PARP9: variants seen among roughly 807,000 people sequenced by gnomAD.
PARP9 encodes the protein protein mono-ADP-ribosyltransferase PARP9.
Under a neutral mutation model 68.8 loss-of-function variants are expected in PARP9, and 48 were observed. The ratio of observed to expected loss-of-function variants is 0.70; its 90% CI spans 0.55 to 0.89. The LOEUF is 0.89. Ranked by LOEUF, PARP9 falls within the 40% of genes least tolerant of loss-of-function variation. PARP9 has a pLI of 0.00. For missense variants in PARP9, 806 were observed against 969.3 expected, an observed-to-expected ratio of 0.83 and a Z score of 2.24; for synonymous variants, 309 against 333.8, an observed-to-expected ratio of 0.93 and a Z score of 0.81.
chr3:122,542,968 AC>A (rs1291227172), intron 7 of PARP9, among the ~76,000 whole-genome samples: 1 of 150,064 alleles, frequency 6.7e-6, no homozygotes, highest in East Asian at 2.0e-4. Context: ...GTGCAGTGGC[AC>A]AATCTCAGCT....
At chr3:122,542,120 TA>T (rs1359451859) in intron 7 of PARP9, among the ~76,000 whole-genome samples, 1 of 152,074 alleles carries the variant, frequency 6.6e-6, no homozygotes, top group Non-Finnish European at 1.5e-5. Flanking sequence ...TAGGAGAAAA[TA>T]AAAACAATGC....
At chr3:122,534,527 C>G in intron 10 of PARP9, 1 of 754,190 alleles carries the variant, frequency 1.3e-6, no homozygotes, top group Non-Finnish European at 1.6e-6. Flanking sequence ...TTTCCCGCTC[C>G]TTTTTATATC....
At chr3:122,539,563 C>G (rs1250897185) in intron 8 of PARP9, among the ~76,000 whole-genome samples, 1 of 80,544 alleles carries the variant, frequency 1.2e-5, no homozygotes, top group Non-Finnish European at 2.5e-5. Flanking sequence ...TTCTTTCTTT[C>G]TTTCTTTTTT....
Position 122,528,470 on chromosome 3 carries a change from G to A in PARP9, c.2354C>T (p.Thr785Ile), listed in dbSNP as rs1195067670. ...GMQAIPQYLW[T>I]CTQEYVQSQD... is the part of the protein sequence containing the mutation. ...TGACTGTACATATTCCTGGGTGCAT[G>A]TCCACAAATACTGAGGTATAGCCTG... is the stretch of plus-strand genomic sequence containing the variant. Residue 785 changes from threonine to isoleucine, a missense_variant, in exon 11 of 11, where the codon ACA becomes ATA. Transcript: ENST00000682323. 2.5e-6 allele frequency: 4 copies of A among 1,614,180 alleles called. No individual in the cohort carries two copies. The highest frequency in any genetic ancestry group is 3.3e-5 in the Admixed American group (2 of 60,018).
chr3:122,553,633 C>T (rs753410841), intron 4 of PARP9, among the ~76,000 whole-genome samples: 1 of 152,002 alleles, frequency 6.6e-6, no homozygotes, highest in African/African-American at 2.4e-5. Context: ...TCATGAACTC[C>T]CCTCAGTCTT....
intron 7 of PARP9, among the ~76,000 whole-genome samples, chr3:122,542,638 C>T (rs762470743): frequency 7.2e-5 from 11 of 151,786 alleles, no homozygotes; most frequent in Non-Finnish European, 1.2e-4. Flanking sequence ...CACCACCACA[C>T]CCGGCTAATT....
intron 10 of PARP9, chr3:122,534,914 A>G: frequency 2.1e-6 from 2 of 973,210 alleles, no homozygotes; most frequent in South Asian, 9.5e-5. Flanking sequence ...AACTGCCTGA[A>G]CTTGAGCTGA....
intron 9 of PARP9, 88 bp downstream of exon 9, chr3:122,536,846 A>C: frequency 6.9e-7 from 1 of 1,457,026 alleles, no homozygotes; most frequent in Non-Finnish European, 9.3e-7. Flanking sequence ...CCAGCTTAGA[A>C]TCATCAGCAG....
At chr3:122,558,586 T>C in intron 2 of PARP9, 119 bp from the exon 3 acceptor site, 1 of 1,227,032 alleles carries the variant, frequency 8.1e-7, no homozygotes, top group South Asian at 1.5e-5. Context: ...GCACTGTGTT[T>C]GGGAGGGCAG....
chr3:122,533,583 G>C (rs1559802060), intron 10 of PARP9: 1 of 664,096 alleles, frequency 1.5e-6, no homozygotes, highest in Admixed American at 6.3e-5. Flanking sequence ...ATTATAAATT[G>C]TAAGGGCAAG....
chr3:122,558,314 T>A (rs1234150487), intron 3 of PARP9, 120 bp downstream of exon 3: 1 of 1,613,016 alleles, frequency 6.2e-7, no homozygotes, highest in East Asian at 2.2e-5. Context: ...CCCACAAGGG[T>A]CTGCAGTCAC....
At chr3:122,529,233 TTAAAAAAAAAAA>T (rs1431492508) in intron 10 of PARP9, among the ~76,000 whole-genome samples, 1 of 74,474 alleles carries the variant, frequency 1.3e-5, no homozygotes, top group Non-Finnish European at 2.9e-5. Flanking sequence ...AGCGAAACTC[TTAAAAAAAAAAA>T]AAAAAAAAAA....
At chr3:122,561,642 T>C (rs899805487) in intron 1 of PARP9, among the ~76,000 whole-genome samples, 3 of 152,248 alleles carry the variant, frequency 2.0e-5, no homozygotes, top group African/African-American at 7.2e-5. Flanking sequence ...ACTTTGCCTT[T>C]ACAGGCCTTT....
chr3:122,564,597 G>A (rs370020354), upstream of PARP9: 7 of 1,598,280 alleles, frequency 4.4e-6, no homozygotes, highest in South Asian at 2.2e-5. Context: ...TCCGGGTGGA[G>A]TTCAGTGAAA....
chr3:122,535,176 AT>A (rs1273625395), intron 10 of PARP9: 31 of 985,278 alleles, frequency 3.1e-5, no homozygotes, highest in Non-Finnish European at 3.6e-5. Context: ...GAAATTATAG[AT>A]TTTTTAAGAC....
chr3:122,549,978 G>C (rs559101526), intron 6 of PARP9, among the ~76,000 whole-genome samples: 1 of 152,228 alleles, frequency 6.6e-6, no homozygotes, highest in African/African-American at 2.4e-5. Flanking sequence ...ACTGAAACTA[G>C]AAGGTTGCTT....
chr3:122,557,301 G>C (rs2079778806), intron 3 of PARP9, among the ~76,000 whole-genome samples: 1 of 132,052 alleles, frequency 7.6e-6, no homozygotes, highest in Non-Finnish European at 1.7e-5. Context: ...GAGGAGTAGG[G>C]GAGACATTGG....
intron 8 of PARP9, among the ~76,000 whole-genome samples, chr3:122,538,692 A>ACACT (rs397878021): frequency 1.3e-3 from 189 of 145,896 alleles, no homozygotes; most frequent in African/African-American, 4.4e-3. Flanking sequence ...ACACACACAC[A>ACACT]CTCTAACAAA....
intron 6 of PARP9, among the ~76,000 whole-genome samples, chr3:122,550,071 T>C (rs2079076423): frequency 6.6e-6 from 1 of 152,110 alleles, no homozygotes; most frequent in African/African-American, 2.4e-5. Context: ...GCTTCTTTGT[T>C]TTTTGTTTTG....
Sources: allele counts gnomAD v4.1 joint callset (sites outside exome capture counted in the v4.1 genomes callset), GRCh38; gene constraint gnomAD v4.1.1; transcripts MANE v1.5; gene names NCBI Gene and HGNC (gene_info 2026-07-23, HGNC 2026-07-21).